The following ABLIM1 variants were observed in gnomAD, a reference collection of about 807,000 sequenced individuals.
ABLIM1 encodes the protein actin-binding LIM protein 1.
Under a neutral mutation model 107.0 loss-of-function variants are expected in ABLIM1, and 40 were observed. That is an observed-to-expected ratio of 0.37 (90% CI 0.29 to 0.49). ABLIM1 has a LOEUF of 0.49. Ranked by LOEUF, ABLIM1 falls within the 20% of genes least tolerant of loss-of-function variation. The pLI, the probability that ABLIM1 is intolerant of heterozygous loss-of-function variation, is 0.97. For synonymous variants in ABLIM1, 357 were observed against 357.3 expected, an observed-to-expected ratio of 1.00 and a Z score of 0.01; for missense variants, 857 against 1,008.5, an observed-to-expected ratio of 0.85 and a Z score of 2.04.
At chr10:114,685,170 G>C (rs139977507), upstream of ABLIM1, among the ~76,000 whole-genome samples, 361 of 152,228 alleles carry the variant, frequency 2.4e-3, no homozygotes, top group African/African-American at 8.0e-3. Flanking sequence ...TTTTCTCACA[G>C]TTATTTTTGA....
chr10:114,738,686 T>C (rs2082229908), intron 1 of ABLIM1, among the ~76,000 whole-genome samples: 1 of 152,130 alleles, frequency 6.6e-6, no homozygotes, highest in Admixed American at 6.6e-5. Flanking sequence ...CTTTAATAGA[T>C]AGTTTTACTG....
chr10:114,789,538 C>T, the ABLIM1 span, among the ~76,000 whole-genome samples: 1 of 152,078 alleles, frequency 6.6e-6, no homozygotes, highest in Non-Finnish European at 1.5e-5. Flanking sequence ...ATTTACACTC[C>T]CACCAGAAGT....
At chr10:114,784,115 A>AG in the ABLIM1 span, among the ~76,000 whole-genome samples, 1 of 151,790 alleles carries the variant, frequency 6.6e-6, no homozygotes, top group Non-Finnish European at 1.5e-5. Context: ...TGGGAGGCTG[A>AG]GGGGGGCGGA....
chr10:114,448,911 G>T (rs1023400284), intron 14 of ABLIM1, among the ~76,000 whole-genome samples: 1 of 152,118 alleles, frequency 6.6e-6, no homozygotes, highest in African/African-American at 2.4e-5. Flanking sequence ...CACCCTGTCT[G>T]GTCCACTTCA....
chr10:114,673,260 AAAAAAAAAAAC>A (rs1322906216), intron 1 of ABLIM1, among the ~76,000 whole-genome samples: 1 of 151,438 alleles, frequency 6.6e-6, no homozygotes, highest in Non-Finnish European at 1.5e-5. Flanking sequence ...TCCAGCTAAA[AAAAAAAAAAAC>A]AAAAAAAAAA....
chr10:114,440,192 T>C, intron 19 of ABLIM1, 103 bp from the exon 20 acceptor site: 1 of 1,228,068 alleles, frequency 8.1e-7, no homozygotes, highest in South Asian at 1.2e-5. Context: ...ATATTCGCCC[T>C]ATAAACCATG....
At chr10:114,555,376 G>A (rs571702399) in intron 4 of ABLIM1, among the ~76,000 whole-genome samples, 30 of 152,234 alleles carry the variant, frequency 2.0e-4, no homozygotes, top group African/African-American at 6.5e-4. Context: ...GAGTGGGCCC[G>A]GGCTTTGCCT....
At chr10:114,562,456 G>A (rs904767903) in intron 4 of ABLIM1, among the ~76,000 whole-genome samples, 11 of 152,308 alleles carry the variant, frequency 7.2e-5, no homozygotes, top group African/African-American at 2.6e-4. Context: ...GTGAATCCAG[G>A]AGGCGGAGCT....
chr10:114,582,519 T>G (rs2073512281), intron 2 of ABLIM1, among the ~76,000 whole-genome samples: 1 of 152,138 alleles, frequency 6.6e-6, no homozygotes, highest in Admixed American at 6.6e-5. Context: ...ATTCTAAAAT[T>G]CATATGGAAC....
chr10:114,663,017 T>A (rs949257240), upstream of ABLIM1, among the ~76,000 whole-genome samples: 3 of 152,302 alleles, frequency 2.0e-5, no homozygotes, highest in East Asian at 5.8e-4. Context: ...CTCCGTAGAA[T>A]CAGAGCACTA....
chr10:114,709,840 CT>C lies in ABLIM1; in HGVS notation c.-213+58220del, dbSNP rs1437916267. On this transcript the variant is annotated intron_variant, in intron 1 of 15. Transcript: ENST00000651092. ...TTTGAAATGTTGTCATTTGTTGTGACTTTTTTCCCTTCCTAAATATTCACTT... is the reference window on the plus strand; with the variant it reads ...TTTGAAATGTTGTCATTTGTTGTGACTTTTTCCCTTCCTAAATATTCACTT... 2.0e-5 allele frequency among the ~76,000 whole-genome samples: 3 copies of C among 152,100 alleles called. No individual in the cohort carries two copies. The East Asian group carries it at 5.8e-4, about 29-fold the overall frequency.
At chr10:114,711,482 C>T (rs745838599) in intron 1 of ABLIM1, among the ~76,000 whole-genome samples, 1 of 152,214 alleles carries the variant, frequency 6.6e-6, no homozygotes, top group Non-Finnish European at 1.5e-5. Context: ...ACTCTAACAC[C>T]AGGCGTGCCA....
intron 1 of ABLIM1, among the ~76,000 whole-genome samples, chr10:114,618,979 C>T (rs2077299890): frequency 1.3e-5 from 2 of 152,024 alleles, no homozygotes; most frequent in Admixed American, 1.3e-4. Context: ...TTGCAAAAGT[C>T]CAAGTGCTTT....
chr10:114,754,375 C>T (rs75963683), intron 1 of ABLIM1, among the ~76,000 whole-genome samples: 2,329 of 152,316 alleles, frequency 0.015, 46 homozygotes, highest in African/African-American at 0.052. Flanking sequence ...TAAATATCTA[C>T]TCCACTTCAG....
chr10:114,708,497 C>A (rs2081474296), intron 1 of ABLIM1, among the ~76,000 whole-genome samples: 1 of 150,698 alleles, frequency 6.6e-6, no homozygotes, highest in Non-Finnish European at 1.5e-5. Context: ...TGGAGGTAGA[C>A]ATGACACCCA....
chr10:114,691,137 CAG>C (rs938774796), intron 1 of ABLIM1, among the ~76,000 whole-genome samples: 17 of 152,232 alleles, frequency 1.1e-4, no homozygotes, highest in African/African-American at 4.1e-4. Context: ...TAATTTTTTT[CAG>C]AGTCACATCT....
chr10:114,747,804 C>T (rs1387576713), intron 1 of ABLIM1, among the ~76,000 whole-genome samples: 1 of 152,224 alleles, frequency 6.6e-6, no homozygotes, highest in African/African-American at 2.4e-5. Context: ...CTTTGGGAGG[C>T]CAAGGTGGGT....
chr10:114,499,276 A>G (rs1425809385), intron 6 of ABLIM1, among the ~76,000 whole-genome samples: 1 of 152,270 alleles, frequency 6.6e-6, no homozygotes, highest in Non-Finnish European at 1.5e-5. Flanking sequence ...CCAAAGACGT[A>G]GCACTGAAAG....
chr10:114,602,673 C>A (rs181785587), intron 1 of ABLIM1, among the ~76,000 whole-genome samples: 4 of 152,162 alleles, frequency 2.6e-5, no homozygotes, highest in Non-Finnish European at 5.9e-5. Flanking sequence ...TCTCTCTGAA[C>A]CTCAGTTTCC....
Sources: gnomAD v4.1 joint callset for allele counts (sites outside exome capture counted in the v4.1 genomes callset) on GRCh38, gnomAD v4.1.1 for gene constraint, MANE v1.5 for transcripts, NCBI Gene and HGNC (gene_info 2026-07-23, HGNC 2026-07-21) for gene names.